FASN: variants seen among roughly 807,000 people sequenced by gnomAD.
The protein encoded by FASN is fatty acid synthase.
FASN carries 50 observed loss-of-function variants against 250.0 expected under a neutral mutation model. The ratio of observed to expected loss-of-function variants is 0.20; its 90% CI spans 0.16 to 0.25. The LOEUF (loss-of-function observed/expected upper bound fraction) is 0.25. Ranked by LOEUF, FASN falls within the 10% of genes least tolerant of loss-of-function variation. The probability of loss-of-function intolerance (pLI) is 1.00; values close to 1 mark genes in which losing one functional copy is unlikely to be tolerated. For synonymous variants in FASN, 1,909 were observed against 1,584.0 expected (o/e 1.21, Z -4.87); for missense variants, 3,031 against 3,498.5 (o/e 0.87, Z 3.37).
At chr17:82,082,864 C>T (rs375197878) in intron 33 of FASN, 50 bp downstream of exon 33, 46 of 1,598,720 alleles carry the variant, frequency 2.9e-5, no homozygotes, top group African/African-American at 6.7e-5. Context: ...CTCAGGGGCC[C>T]GGGGCTGTGC....
intron 21 of FASN, 72 bp downstream of exon 21, chr17:82,086,978 G>A (rs1362767853): frequency 6.5e-7 from 1 of 1,549,320 alleles, no homozygotes; most frequent in Non-Finnish European, 8.8e-7. Flanking sequence ...AGCAAGTCTG[G>A]GGTCAACGTG....
rs1353403907 is a variant in FASN, at chr17:82,082,996, G to A, written c.5685C>T (p.Gly1895=). The A allele has an allele frequency of 3.7e-6, 6 of 1,612,836 alleles. No homozygotes were observed. Among genetic ancestry groups the A allele is most frequent in the South Asian group, 1.1e-5 (1 of 91,092 alleles). ...KSYIIAGGLG[G]FGLELAQWLI... ...GCCACTGCGCCAACTCCAGGCCGAA[G>A]CCACCCAGACCACCAGCGATGATGT... Residue 1895 remains glycine (G), a synonymous_variant, in exon 33 of 43, where the codon GGC becomes GGT. Coordinates refer to ENST00000306749, the MANE Select transcript of FASN (RefSeq NM_004104.5).
chr17:82,088,737 G>A, intron 15 of FASN, 24 bp downstream of exon 15: 1 of 1,597,660 alleles, frequency 6.3e-7, no homozygotes, highest in Non-Finnish European at 8.6e-7. Context: ...CGGGAGACGA[G>A]ACCCGGGCTG....
Position 82,089,692 on chromosome 17 carries a change from G to A in FASN, c.1905C>T (p.Pro635=). ...TGTGGCAGGCGGGCACCACGCCCGG[G>A]GGGCAGCGCTGTTTACACTCCTCCC... is the stretch of plus-strand genomic sequence containing the variant. ...LSWEECKQRC[P]PGVVPACHNS... The change falls in exon 12 of 43, where the codon CCC becomes CCT. Residue 635 remains proline, a synonymous_variant. Coordinates refer to ENST00000306749, the MANE Select transcript of FASN (RefSeq NM_004104.5). 1 of 1,591,318 alleles carries A rather than the reference G, an allele frequency of 6.3e-7. No homozygotes were observed. The highest frequency in any genetic ancestry group is 8.5e-7 in the Non-Finnish European group (1 of 1,170,758).
At chr17:82,081,135 C>T (rs1483562926) in intron 38 of FASN, 29 bp downstream of exon 38, 2 of 1,557,208 alleles carry the variant, frequency 1.3e-6, no homozygotes, top group African/African-American at 2.7e-5. Flanking sequence ...GCCCGGGGAC[C>T]CCACTCCCGC....
At chr17:82,079,642 C>T (rs1162310603) in intron 41 of FASN, 34 bp from the exon 42 acceptor site, 2 of 1,596,614 alleles carry the variant, frequency 1.3e-6, no homozygotes, top group African/African-American at 1.3e-5. Context: ...GTGCTGGCAG[C>T]ACCCACAGCA....
rs1294903437 is a variant in FASN, at chr17:82,082,930, G to A, written c.5751C>T (p.Arg1917=). 3 of 1,612,796 alleles carry A rather than the reference G, an allele frequency of 1.9e-6. No individual in the cohort carries two copies. The highest frequency in any genetic ancestry group is 1.6e-4 in the Middle Eastern group (1 of 6,062). The change falls in exon 33 of 43, where the codon CGC becomes CGT. Residue 1917 remains arginine, a synonymous_variant. Transcript: ENST00000306749. ...RGVQKLVLTS[R]SGIRTGYQAK... ...CCGACTCACCTGTCCGGATCCCGGA[G>A]CGAGAAGTCAACACGAGCTTCTGCA...
In FASN at chr17:82,085,322, G is replaced by A. The variant is rs1435927010; in HGVS notation, c.4203C>T (p.Phe1401=). 7.4e-6 allele frequency: 12 copies of A among 1,611,340 alleles called. No individual in the cohort carries two copies. The highest frequency in any genetic ancestry group is 1.0e-5 in the Non-Finnish European group (12 of 1,179,500). The change falls in exon 24 of 43, where the codon TTC becomes TTT. Residue 1401 remains phenylalanine, a synonymous_variant. Coordinates refer to ENST00000306749, the MANE Select transcript of FASN (RefSeq NM_004104.5). ...LKKSFYGSTL[F]LCRRPTPQDS... The stretch of plus-strand genomic sequence containing the variant: ...CCTGCGGGGTGGGCCGGCGGCACAG[G>A]AAGAGCGTGGAGCCGTAGAAGGACT...
rs747863569 is a variant in FASN at position 82,088,359 on chromosome 17, G to A, written c.2593+31C>T. 3.1e-6 allele frequency: 5 copies of A among 1,611,148 alleles called. No individual in the cohort carries two copies. The South Asian group carries it at 3.3e-5, about 11-fold the overall frequency. ...AGAGCGGGCGTCTGTGGGGAGGGAA[G>A]AGTCTGCCCACCCGCCGGGCCCCTG... On this transcript the variant is annotated intron_variant, in intron 16 of 42. Coordinates refer to ENST00000306749, the MANE Select transcript of FASN (RefSeq NM_004104.5).
In FASN at chr17:82,088,320, A is replaced by G; in HGVS notation, c.2594-13T>C. 6 of 1,608,620 alleles carry G rather than the reference A, an allele frequency of 3.7e-6. No individual in the cohort carries two copies. The highest frequency in any genetic ancestry group is 5.1e-6 in the Non-Finnish European group (6 of 1,179,922). ...TCGGAGCTGGTGTCTGCGGGAGGGC[A>G]CAGGCCTCAGCACAGAGCGGGCGTC... On this transcript the variant is annotated splice_polypyrimidine_tract_variant and intron_variant, in intron 16 of 42. Transcript: ENST00000306749.
intron 5 of FASN, 58 bp downstream of exon 5, chr17:82,093,161 C>A (rs867190678): frequency 1.1e-5 from 17 of 1,536,808 alleles, no homozygotes; most frequent in Non-Finnish European, 1.5e-5. Flanking sequence ...GGGGACTGTG[C>A]GGGGGGCCGT....
In FASN at chr17:82,091,206, C is replaced by T. The variant is rs1239221376; in HGVS notation, c.1492+16G>A. ...CCCAGGGAAGGGACCACCTTGGGGG[C>T]AGAGTGTGGGCTCACCAGAGCAGAT... On this transcript the variant is annotated intron_variant, in intron 9 of 42. Coordinates refer to ENST00000306749, the MANE Select transcript of FASN (RefSeq NM_004104.5). 1 of 1,600,810 alleles carries T rather than the reference C, an allele frequency of 6.2e-7. No individual in the cohort carries two copies. Among genetic ancestry groups the T allele is most frequent in the Admixed American group, 1.7e-5 (1 of 59,460 alleles).
chr17:82,096,176 G>A, intron 2 of FASN, 143 bp downstream of exon 2: 1 of 1,342,610 alleles, frequency 7.4e-7, no homozygotes. Context: ...TCGCCCATGG[G>A]TGACCAGTGG....
chr17:82,092,820 G>A lies in FASN; in HGVS notation c.779-8C>T, dbSNP rs1274651184. ...CTGAGGGGAAGGTCACGCCTGCGGA[G>A]GGCTCGGCTCAGTGCTGCAGCCCCA... is the stretch of plus-strand genomic sequence containing the variant. On this transcript the variant is annotated splice_region_variant and splice_polypyrimidine_tract_variant and intron_variant, in intron 6 of 42. Transcript: ENST00000306749. 5.7e-6 allele frequency: 9 copies of A among 1,590,586 alleles called. No individual in the cohort carries two copies. Among genetic ancestry groups the A allele is most frequent in the African/African-American group, 1.3e-5 (1 of 74,532 alleles).
rs773972895 is a variant in FASN at position 82,087,099 on chromosome 17, C to G, written c.3378G>C (p.Gly1126=). The G allele has an allele frequency of 6.2e-7, 1 of 1,611,936 alleles. No homozygotes were observed. The highest frequency in any genetic ancestry group is 1.1e-5 in the South Asian group (1 of 91,006). The change falls in exon 21 of 43, where the codon GGG becomes GGC. Residue 1126 remains glycine (G), a synonymous_variant. Coordinates refer to ENST00000306749, the MANE Select transcript of FASN (RefSeq NM_004104.5). Reference sequence around the variant, plus strand: ...GCAGGGCAGCGCGCTCAGACAGGCACCCCTCCTCCGTGTGGGGAGTGAAGC... The same window carrying G: ...GCAGGGCAGCGCGCTCAGACAGGCAGCCCTCCTCCGTGTGGGGAGTGAAGC... The part of the protein sequence containing the change: ...KFCFTPHTEE[G]CLSERAALQE...
Position 82,081,840 on chromosome 17 carries a change from A to T in FASN, c.6167T>A (p.Leu2056Gln). Reference protein sequence around the residue: ...EKRRHEGLPGLAVQWGAIGDV... With the variant: ...EKRRHEGLPGQAVQWGAIGDV... ...GCCGATGGCGCCCCACTGCACGGCC[A>T]GGCCTGTGGGGGAGGGGGCAGGTGG... The change falls in exon 37 of 43, where the codon CTG becomes CAG. Residue 2056 changes from leucine to glutamine, a missense_variant. Leu to Gln is a moderately radical substitution (Grantham distance 113). Transcript: ENST00000306749. 3 of 1,588,130 alleles carry T rather than the reference A, an allele frequency of 1.9e-6. No homozygotes were observed. The highest frequency in any genetic ancestry group is 2.6e-6 in the Non-Finnish European group (3 of 1,168,846).
At chr17:82,081,007 C>T (rs1047603103) in intron 38 of FASN, 85 bp from the exon 39 acceptor site, 57 of 1,404,640 alleles carry the variant, frequency 4.1e-5, no homozygotes, top group Admixed American at 1.6e-4. Flanking sequence ...GCACGCAGGT[C>T]CCCACGGTGC....
At position 82,093,059 on chromosome 17, in the gene FASN, C is replaced by T. The variant is rs201878571; in HGVS notation, c.656-40G>A. 1.5e-3 allele frequency: 2,438 copies of T among 1,608,164 alleles called. 10 individuals carry two copies. The highest frequency in any genetic ancestry group is 1.2e-3 in the Non-Finnish European group (1,384 of 1,178,960). The stretch of plus-strand genomic sequence containing the variant: ...ACCTCAGGCCCGGGGCTCAGCCCCA[C>T]GCCGGCCCCCACCCCACCAGGAGGA... On this transcript the variant is annotated intron_variant, in intron 5 of 42. Coordinates refer to ENST00000306749, the MANE Select transcript of FASN (RefSeq NM_004104.5).
Position 82,086,445 on chromosome 17 carries a change from G to C in FASN, c.3541C>G (p.Leu1181Val). ...TGAAGCCTGCAGGCAGCCGACAACA[G>C]CCGGGGCAGTTCCTGCTGTGAGGGG... ...RDPSQQELPR[L>V]LSAACRLQLN... The change falls in exon 22 of 43, where the codon CTG (leucine) becomes GTG (valine). Residue 1181 changes from leucine to valine, a missense_variant. Leu to Val is a conservative substitution (Grantham distance 32, BLOSUM62 1). Transcript: ENST00000306749. The C allele has an allele frequency of 6.2e-7, 1 of 1,612,198 alleles. No individual in the cohort carries two copies. The highest frequency in any genetic ancestry group is 8.5e-7 in the Non-Finnish European group (1 of 1,179,932).
Sources: allele counts gnomAD v4.1 joint callset, GRCh38; gene constraint gnomAD v4.1.1; transcripts MANE v1.5; gene names NCBI Gene and HGNC (gene_info 2026-07-23, HGNC 2026-07-21).